The following GPR39 variants were observed in gnomAD, a reference collection of about 807,000 sequenced individuals.
GPR39 encodes the protein G protein-coupled receptor 39, also known as zinc sensing receptor.
A neutral mutation model predicts 18.4 loss-of-function variants in GPR39; 23 were observed. That is an observed-to-expected ratio of 1.25 (90% CI 0.90 to 1.77). GPR39 has a LOEUF of 1.77. Among genes scored for constraint, GPR39 ranks in the 40% most tolerant of loss-of-function variants. The probability of loss-of-function intolerance (pLI) is 0.00; values close to 1 mark genes in which losing one functional copy is unlikely to be tolerated. For missense variants in GPR39, 647 were observed against 602.4 expected (o/e 1.07, Z -0.78); for synonymous variants, 280 against 257.9 (o/e 1.09, Z -0.82).
intron 1 of GPR39, among the ~76,000 whole-genome samples, chr2:132,419,614 A>T (rs944589361): frequency 3.3e-5 from 5 of 152,244 alleles, no homozygotes; most frequent in African/African-American, 4.8e-5. Flanking sequence ...AGGAATGGAC[A>T]TTGTATTTGC....
intron 1 of GPR39, among the ~76,000 whole-genome samples, chr2:132,468,636 A>G (rs1273295945): frequency 6.6e-6 from 1 of 152,182 alleles, no homozygotes; most frequent in African/African-American, 2.4e-5. Context: ...CCTTTGCCCA[A>G]AGGGTTTTAA....
intron 1 of GPR39, among the ~76,000 whole-genome samples, chr2:132,564,679 G>A (rs968455908): frequency 2.0e-5 from 3 of 151,920 alleles, no homozygotes; most frequent in East Asian, 1.9e-4. Flanking sequence ...CACTCTCCAC[G>A]GAGTCTTACA....
intron 1 of GPR39, among the ~76,000 whole-genome samples, chr2:132,582,832 T>C (rs1454413718): frequency 1.3e-5 from 2 of 152,000 alleles, no homozygotes; most frequent in African/African-American, 4.8e-5. Flanking sequence ...AACCCATTTG[T>C]GACTTGTGAC....
intron 1 of GPR39, among the ~76,000 whole-genome samples, chr2:132,576,029 G>A (rs1680522981): frequency 6.6e-6 from 1 of 152,106 alleles, no homozygotes; most frequent in Non-Finnish European, 1.5e-5. Flanking sequence ...CCTTGATCTT[G>A]GACTTCCTAG....
intron 1 of GPR39, among the ~76,000 whole-genome samples, chr2:132,618,559 C>T (rs946878177): frequency 1.3e-5 from 2 of 151,960 alleles, no homozygotes; most frequent in African/African-American, 4.8e-5. Context: ...AGTACACAGC[C>T]ACATCTTATG....
At chr2:132,596,464 C>T (rs927413459) in intron 1 of GPR39, among the ~76,000 whole-genome samples, 1 of 152,020 alleles carries the variant, frequency 6.6e-6, no homozygotes, top group East Asian at 1.9e-4. Flanking sequence ...TTTTTGTGCC[C>T]TTATCTTTCT....
At chr2:132,535,886 G>T (rs757180756) in intron 1 of GPR39, among the ~76,000 whole-genome samples, 6 of 151,296 alleles carry the variant, frequency 4.0e-5, no homozygotes, top group Non-Finnish European at 7.4e-5. Flanking sequence ...CTGGTAGTTT[G>T]TATTTCTGTG....
At chr2:132,559,021 G>A (rs1680201684) in intron 1 of GPR39, among the ~76,000 whole-genome samples, 1 of 152,274 alleles carries the variant, frequency 6.6e-6, no homozygotes, top group Middle Eastern at 3.4e-3. Flanking sequence ...CATTTACAGA[G>A]TAGATTATGA....
At chr2:132,577,970 C>A (rs1680556969) in intron 1 of GPR39, among the ~76,000 whole-genome samples, 2 of 151,810 alleles carry the variant, frequency 1.3e-5, no homozygotes, top group Admixed American at 1.3e-4. Flanking sequence ...AAAGGGAAAG[C>A]ATTGAGGCTT....
intron 1 of GPR39, among the ~76,000 whole-genome samples, chr2:132,620,385 A>C (rs10176799): frequency 0.04 from 6,014 of 152,108 alleles, 404 homozygotes; most frequent in African/African-American, 0.14. Flanking sequence ...CTCAGTCATG[A>C]AAGGGACATT....
rs1291899968 is a variant in GPR39, at chr2:132,507,006, G to A, written c.856+89108G>A. Among the ~76,000 whole-genome samples the A allele has an allele frequency of 2.6e-5, 4 of 151,816 alleles. No individual in the cohort carries two copies. In the East Asian group the frequency reaches 7.8e-4, roughly 29 times the overall value. The stretch of plus-strand genomic sequence containing the variant: ...GTTGATTTTTTTCTCTTCTGATAAA[G>A]CCACCAGTCCCACTTCCATGATAAC... On this transcript the variant is annotated intron_variant, in intron 1 of 1. Transcript: ENST00000329321.
chr2:132,604,021 A>T (rs1201456667), intron 1 of GPR39, among the ~76,000 whole-genome samples: 2 of 152,058 alleles, frequency 1.3e-5, no homozygotes, highest in Non-Finnish European at 2.9e-5. Context: ...GGTTTGCATA[A>T]ATATACTTCA....
intron 1 of GPR39, among the ~76,000 whole-genome samples, chr2:132,606,679 A>G (rs1257922861): frequency 6.6e-6 from 1 of 152,206 alleles, no homozygotes; most frequent in East Asian, 1.9e-4. Context: ...TCTGTATCCC[A>G]AGTTCTTGCC....
At chr2:132,464,256 T>G (rs1364221078) in intron 1 of GPR39, among the ~76,000 whole-genome samples, 1 of 152,202 alleles carries the variant, frequency 6.6e-6, no homozygotes, top group Non-Finnish European at 1.5e-5. Flanking sequence ...CTTGGGATCA[T>G]GCATATACAG....
At chr2:132,555,334 G>C (rs927285994) in intron 1 of GPR39, among the ~76,000 whole-genome samples, 6 of 152,134 alleles carry the variant, frequency 3.9e-5, no homozygotes, top group Non-Finnish European at 7.4e-5. Flanking sequence ...GTTTCTTTTG[G>C]TCAGGAATGC....
intron 1 of GPR39, among the ~76,000 whole-genome samples, chr2:132,478,965 A>G (rs148263167): frequency 4.9e-4 from 75 of 152,154 alleles, no homozygotes; most frequent in Admixed American, 1.5e-3. Context: ...TGGAAGTTCA[A>G]TAATGTGTTC....
intron 1 of GPR39, among the ~76,000 whole-genome samples, chr2:132,578,283 T>C (rs1680563358): frequency 6.6e-6 from 1 of 152,130 alleles, no homozygotes; most frequent in East Asian, 1.9e-4. Context: ...AAATACTATT[T>C]ACTGATACTT....
chr2:132,512,387 G>C lies in GPR39; in HGVS notation c.856+94489G>C, dbSNP rs114671758. Among the ~76,000 whole-genome samples the C allele has an allele frequency of 7.8e-3, 1,186 of 152,258 alleles. 13 individuals are homozygous for C. The highest frequency in any genetic ancestry group is 0.027 in the African/African-American group (1,126 of 41,538). On this transcript the variant is annotated intron_variant, in intron 1 of 1. Transcript: ENST00000329321. ...GATGAGGGCACTGAAAAGGATAAGGGGGGGTACAGCCCCCTTCTCCCTGGC... is the reference window on the plus strand; with the variant it reads ...GATGAGGGCACTGAAAAGGATAAGGCGGGGTACAGCCCCCTTCTCCCTGGC...
intron 1 of GPR39, among the ~76,000 whole-genome samples, chr2:132,588,478 A>G (rs1680769852): frequency 6.6e-6 from 1 of 152,202 alleles, no homozygotes; most frequent in Admixed American, 6.5e-5. Context: ...ATCTCAGCTA[A>G]GAAAACATGG....
Sources: allele counts gnomAD v4.1 joint callset (sites outside exome capture counted in the v4.1 genomes callset), GRCh38; gene constraint gnomAD v4.1.1; transcripts MANE v1.5; gene names NCBI Gene and HGNC (gene_info 2026-07-23, HGNC 2026-07-21).